The following ST6GALNAC3 variants were observed in gnomAD, a reference collection of about 807,000 sequenced individuals.
The protein encoded by ST6GALNAC3 is alpha-N-acetylgalactosaminide alpha-2,6-sialyltransferase 3.
In ST6GALNAC3, 25 loss-of-function variants were observed where a neutral mutation model predicts 32.7. That is an observed-to-expected ratio of 0.76 (90% CI 0.56 to 1.07). The LOEUF (loss-of-function observed/expected upper bound fraction) is 1.07. Ranked by LOEUF, ST6GALNAC3 falls within the 50% of genes least tolerant of loss-of-function variation. ST6GALNAC3 has a pLI of 0.00. For missense variants in ST6GALNAC3, 355 were observed against 382.4 expected (o/e 0.93, Z 0.60); for synonymous variants, 129 against 133.1 (o/e 0.97, Z 0.21).
At chr1:76,383,806 G>A (rs1651898935) in intron 2 of ST6GALNAC3, among the ~76,000 whole-genome samples, 1 of 152,178 alleles carries the variant, frequency 6.6e-6, no homozygotes, top group South Asian at 2.1e-4. Context: ...CTCTTGCAAT[G>A]TTTCAGAACT....
intron 3 of ST6GALNAC3, among the ~76,000 whole-genome samples, chr1:76,492,959 A>G (rs980707794): frequency 1.3e-5 from 2 of 151,834 alleles, no homozygotes; most frequent in African/African-American, 4.8e-5. Flanking sequence ...CTAACCCTAC[A>G]TTCTTACTTC....
chr1:76,357,130 C>CTTTCTTTTTTTT (rs1165946045), intron 2 of ST6GALNAC3, among the ~76,000 whole-genome samples: 3 of 111,174 alleles, frequency 2.7e-5, no homozygotes, highest in African/African-American at 1.0e-4. Flanking sequence ...TTTTCTTTTT[C>CTTTCTTTTTTTT]TTTTTTTTTT....
At chr1:76,304,172 A>T (rs1233845584) in intron 1 of ST6GALNAC3, among the ~76,000 whole-genome samples, 1 of 151,878 alleles carries the variant, frequency 6.6e-6, no homozygotes, top group African/African-American at 2.4e-5. Flanking sequence ...TCTCTCCTTC[A>T]TTCTTTCATT....
chr1:76,525,511 G>T (rs1457646164), intron 3 of ST6GALNAC3, among the ~76,000 whole-genome samples: 1 of 151,544 alleles, frequency 6.6e-6, no homozygotes, highest in African/African-American at 2.4e-5. Flanking sequence ...CGATGATATA[G>T]ATTATCTCAT....
intron 1 of ST6GALNAC3, among the ~76,000 whole-genome samples, chr1:76,220,954 A>G (rs1655734238): frequency 6.6e-6 from 1 of 152,220 alleles, no homozygotes; most frequent in Non-Finnish European, 1.5e-5. Context: ...GTTGTCACAT[A>G]GGTGGTCCTG....
intron 2 of ST6GALNAC3, among the ~76,000 whole-genome samples, chr1:76,394,135 G>A (rs894311728): frequency 7.2e-5 from 11 of 152,120 alleles, no homozygotes; most frequent in South Asian, 2.1e-4. Context: ...TAATAAATGC[G>A]TTGCAGAAGT....
chr1:76,190,972 T>C (rs1404677487), intron 1 of ST6GALNAC3, among the ~76,000 whole-genome samples: 1 of 152,172 alleles, frequency 6.6e-6, no homozygotes, highest in Non-Finnish European at 1.5e-5. Flanking sequence ...TGGGAGCTTG[T>C]TAAAAATTCA....
chr1:76,592,661 C>T (rs1409491776), intron 3 of ST6GALNAC3, among the ~76,000 whole-genome samples: 2 of 152,176 alleles, frequency 1.3e-5, no homozygotes, highest in African/African-American at 4.8e-5. Context: ...TTCCTGGTCA[C>T]TCCTTCCTAC....
chr1:76,330,054 C>T (rs1242598647), intron 2 of ST6GALNAC3, among the ~76,000 whole-genome samples: 2 of 152,116 alleles, frequency 1.3e-5, no homozygotes, highest in African/African-American at 4.8e-5. Flanking sequence ...GTTGATTCAC[C>T]TGCCTCCCAA....
At chr1:76,175,309 T>C (rs969661542) in intron 1 of ST6GALNAC3, among the ~76,000 whole-genome samples, 3 of 152,204 alleles carry the variant, frequency 2.0e-5, no homozygotes, top group African/African-American at 7.2e-5. Flanking sequence ...TCCTACCCTC[T>C]CCCACCAGAT....
chr1:76,550,099 T>C (rs547771981), intron 3 of ST6GALNAC3, among the ~76,000 whole-genome samples: 4 of 152,352 alleles, frequency 2.6e-5, no homozygotes, highest in African/African-American at 7.2e-5. Flanking sequence ...ATTGCAAATG[T>C]CTTTTTCCAC....
At chr1:76,131,617 G>A (rs541568180) in intron 1 of ST6GALNAC3, among the ~76,000 whole-genome samples, 1 of 152,330 alleles carries the variant, frequency 6.6e-6, no homozygotes, top group African/African-American at 2.4e-5. Flanking sequence ...CAGCCTCTGG[G>A]GCACGGAGGC....
chr1:76,562,480 T>C (rs1015159451), intron 3 of ST6GALNAC3, among the ~76,000 whole-genome samples: 1 of 152,168 alleles, frequency 6.6e-6, no homozygotes, highest in African/African-American at 2.4e-5. Context: ...ACACTTTCTC[T>C]CTACATCATC....
chr1:76,497,922 C>T (rs1445382313), intron 3 of ST6GALNAC3, among the ~76,000 whole-genome samples: 1 of 152,138 alleles, frequency 6.6e-6, no homozygotes, highest in Non-Finnish European at 1.5e-5. Flanking sequence ...TTACGCTCTT[C>T]AAAGGGAGGG....
At chr1:76,426,547 A>G (rs912310119) in intron 3 of ST6GALNAC3, among the ~76,000 whole-genome samples, 3 of 148,928 alleles carry the variant, frequency 2.0e-5, no homozygotes, top group Admixed American at 1.3e-4. Context: ...TTTTACAGAT[A>G]TATATATATA....
intron 1 of ST6GALNAC3, among the ~76,000 whole-genome samples, chr1:76,283,188 T>TTTTG (rs1417394559): frequency 1.3e-5 from 2 of 152,122 alleles, no homozygotes; most frequent in South Asian, 4.1e-4. Flanking sequence ...ACTAGCTTTG[T>TTTTG]TTTGTTTGTT....
chr1:76,081,172 C>T (rs545405656), intron 1 of ST6GALNAC3, among the ~76,000 whole-genome samples: 4 of 151,724 alleles, frequency 2.6e-5, no homozygotes, highest in East Asian at 3.9e-4. Flanking sequence ...ACCCTGACTT[C>T]GTGTGGTTGT....
chr1:76,424,855 C>T (rs1429257920), intron 3 of ST6GALNAC3, among the ~76,000 whole-genome samples: 1 of 151,896 alleles, frequency 6.6e-6, no homozygotes, highest in Non-Finnish European at 1.5e-5. Context: ...GATTTGAATT[C>T]TCATCCTTGT....
At chr1:76,313,605 C>G (rs567266678) in intron 1 of ST6GALNAC3, 200 bp from the exon 2 acceptor site, 1 of 693,718 alleles carries the variant, frequency 1.4e-6, no homozygotes, top group East Asian at 2.7e-5. Context: ...GAAAGCAGCT[C>G]TGCTTGCTCT....
Sources: allele counts gnomAD v4.1 joint callset (sites outside exome capture counted in the v4.1 genomes callset), GRCh38; gene constraint gnomAD v4.1.1; transcripts MANE v1.5; gene names NCBI Gene and HGNC (gene_info 2026-07-23, HGNC 2026-07-21).